Variants in RORB observed in about 807,000 individuals in gnomAD.
RORB encodes the protein RAR related orphan receptor B, also known as nuclear receptor ROR-beta.
RORB carries 6 observed loss-of-function variants against 59.1 expected under a neutral mutation model. That is an observed-to-expected ratio of 0.10 (90% CI 0.06 to 0.20). RORB has a LOEUF of 0.20. Among genes scored for constraint, RORB ranks in the 10% least tolerant of loss-of-function variants. The pLI is 1.00. For synonymous variants in RORB, 215 were observed against 204.5 expected (o/e 1.05, Z -0.44); for missense variants, 320 against 560.5 (o/e 0.57, Z 4.33).
Position 74,688,380 on chromosome 9 carries a change from A to G in RORB, c.*2762A>G, listed in dbSNP as rs1587425720. The G allele has an allele frequency of 2.0e-5, 3 of 152,196 alleles. No individual in the cohort carries two copies. The highest frequency in any genetic ancestry group is 7.2e-5 in the African/African-American group (3 of 41,432). The allele number at this position is 152,196 out of a possible 1,614,324, so 9.4% of individuals were successfully genotyped here. A position where few individuals can be genotyped will look rare whatever the true frequency, so the allele number is the denominator to read the frequency against. ...AAAAGCTGCCCTTCGAAGATCTCCT[A>G]TGACTGCATGTCAAGGTATTTTGTA... On this transcript the variant is annotated 3_prime_UTR_variant, in exon 10 of 10. Coordinates refer to ENST00000376896, the MANE Select transcript of RORB (RefSeq NM_006914.4).
At chr9:74,519,376 A>G (rs775401648) in intron 1 of RORB, among the ~76,000 whole-genome samples, 3 of 152,014 alleles carry the variant, frequency 2.0e-5, no homozygotes, top group African/African-American at 7.2e-5. Flanking sequence ...CTTTCCTTCA[A>G]GTACATCTTT....
At chr9:74,508,158 A>G (rs547000949) in intron 1 of RORB, among the ~76,000 whole-genome samples, 1 of 151,920 alleles carries the variant, frequency 6.6e-6, no homozygotes, top group Non-Finnish European at 1.5e-5. Flanking sequence ...ATATACTTTC[A>G]TTCTTGTGAT....
chr9:74,677,777 T>A (rs548432469), intron 9 of RORB, among the ~76,000 whole-genome samples: 6 of 152,338 alleles, frequency 3.9e-5, no homozygotes, highest in African/African-American at 1.4e-4. Flanking sequence ...ATAATGATAA[T>A]GTGCTGTATT....
At chr9:74,604,793 C>A (rs895680955) in intron 1 of RORB, among the ~76,000 whole-genome samples, 1 of 152,098 alleles carries the variant, frequency 6.6e-6, no homozygotes, top group African/African-American at 2.4e-5. Flanking sequence ...GCTTTGTTGA[C>A]CCCCAAAGCA....
At chr9:74,684,584 C>T (rs1204616133) in intron 9 of RORB, among the ~76,000 whole-genome samples, 2 of 150,908 alleles carry the variant, frequency 1.3e-5, no homozygotes, top group African/African-American at 2.4e-5. Flanking sequence ...ACCCATACGG[C>T]ATTTAAATTA....
At chr9:74,607,657 C>G (rs759103489) in intron 1 of RORB, among the ~76,000 whole-genome samples, 2 of 151,818 alleles carry the variant, frequency 1.3e-5, no homozygotes, top group Non-Finnish European at 2.9e-5. Flanking sequence ...TATCTATATA[C>G]ATATATACAT....
intron 1 of RORB, among the ~76,000 whole-genome samples, chr9:74,564,749 T>C (rs1181097677): frequency 6.6e-6 from 1 of 152,156 alleles, no homozygotes; most frequent in Non-Finnish European, 1.5e-5. Context: ...CAAAAAAACT[T>C]AGAAATGAAA....
chr9:74,630,423 C>T, intron 2 of RORB, 56 bp downstream of exon 2: 1 of 1,314,976 alleles, frequency 7.6e-7, no homozygotes, highest in Non-Finnish European at 1.1e-6. Flanking sequence ...CTGTGTACCT[C>T]ACAAGATGCG....
At chr9:74,558,850 G>A (rs1276655652) in intron 1 of RORB, among the ~76,000 whole-genome samples, 4 of 152,166 alleles carry the variant, frequency 2.6e-5, no homozygotes, top group African/African-American at 9.7e-5. Context: ...CTTAAGACTG[G>A]TTATTTGCCA....
chr9:74,630,244 ACAT>A, intron 1 of RORB, 35 bp from the exon 2 acceptor site: 1 of 1,607,440 alleles, frequency 6.2e-7, no homozygotes, highest in Non-Finnish European at 8.5e-7. Flanking sequence ...GAGAAAGAAA[ACAT>A]CTGTATGCTC....
chr9:74,623,887 A>G (rs1403269285), intron 1 of RORB, among the ~76,000 whole-genome samples: 1 of 152,256 alleles, frequency 6.6e-6, no homozygotes, highest in Non-Finnish European at 1.5e-5. Context: ...TATGAGTTCA[A>G]AGCCGCTACA....
chr9:74,555,941 A>G (rs552919664), intron 1 of RORB, among the ~76,000 whole-genome samples: 1 of 152,326 alleles, frequency 6.6e-6, no homozygotes, highest in South Asian at 2.1e-4. Context: ...CAGTGTTCAC[A>G]TTTTTAAAAT....
At chr9:74,532,202 G>A (rs1486791227) in intron 1 of RORB, among the ~76,000 whole-genome samples, 2 of 151,840 alleles carry the variant, frequency 1.3e-5, no homozygotes. Flanking sequence ...CTATACATAA[G>A]GGAAGTGACT....
At chr9:74,597,150 C>T (rs1822981009) in intron 1 of RORB, among the ~76,000 whole-genome samples, 1 of 152,214 alleles carries the variant, frequency 6.6e-6, no homozygotes, top group Admixed American at 6.5e-5. Flanking sequence ...GATGCAGCTG[C>T]TTCCATAGGA....
At chr9:74,514,667 T>C (rs1587335519) in intron 1 of RORB, among the ~76,000 whole-genome samples, 1 of 148,260 alleles carries the variant, frequency 6.7e-6, no homozygotes. Flanking sequence ...TTATATAATA[T>C]ATATTTAATA....
At chr9:74,634,387 C>T (rs1823668413) in intron 2 of RORB, among the ~76,000 whole-genome samples, 1 of 152,184 alleles carries the variant, frequency 6.6e-6, no homozygotes, top group African/African-American at 2.4e-5. Flanking sequence ...CTTTAGCAAA[C>T]ATTGATTCAA....
chr9:74,592,855 G>A (rs1822919722), intron 1 of RORB, among the ~76,000 whole-genome samples: 1 of 151,652 alleles, frequency 6.6e-6, no homozygotes, highest in Admixed American at 6.6e-5. Flanking sequence ...ACATGAACAT[G>A]CACACACATG....
chr9:74,497,883 C>T lies in RORB; in HGVS notation c.-94C>T. On this transcript the variant is annotated 5_prime_UTR_variant, in exon 1 of 10. Transcript: ENST00000376896. ...GGCAGAGCAGCTCTTCGCCGACCAC[C>T]TTCTTCACTCGTGCTGAGCGGGATT... is the stretch of plus-strand genomic sequence containing the variant. 6.7e-7 allele frequency: 1 copy of T among 1,493,596 alleles called. No homozygotes were observed. Among genetic ancestry groups the T allele is most frequent in the Non-Finnish European group, 9.2e-7 (1 of 1,086,458 alleles). 92.5% of individuals were successfully genotyped at this position (1,493,596 alleles called of 1,614,324 possible).
chr9:74,657,301 G>A (rs932851730), intron 4 of RORB, among the ~76,000 whole-genome samples: 4 of 151,958 alleles, frequency 2.6e-5, no homozygotes, highest in East Asian at 1.9e-4. Context: ...TCCTGACCTC[G>A]TGATCTGCTT....
Sources: gnomAD v4.1 joint callset for allele counts (sites outside exome capture counted in the v4.1 genomes callset) on GRCh38, gnomAD v4.1.1 for gene constraint, MANE v1.5 for transcripts, NCBI Gene and HGNC (gene_info 2026-07-23, HGNC 2026-07-21) for gene names.